Variants in DSCAM observed in about 807,000 individuals in gnomAD.
DSCAM encodes cell adhesion molecule DSCAM.
A neutral mutation model predicts 217.7 loss-of-function variants in DSCAM; 47 were observed. That is an observed-to-expected ratio of 0.22 (90% CI 0.17 to 0.28). DSCAM has a LOEUF of 0.28. Among genes scored for constraint, DSCAM ranks in the 10% least tolerant of loss-of-function variants. The pLI is 1.00. For missense variants in DSCAM, 2,080 were observed against 2,618.3 expected (o/e 0.79, Z 4.49); for synonymous variants, 1,056 against 1,015.3 (o/e 1.04, Z -0.76).
At chr21:40,706,244 A>T (rs1032079023) in intron 2 of DSCAM, among the ~76,000 whole-genome samples, 1 of 152,076 alleles carries the variant, frequency 6.6e-6, no homozygotes, top group Admixed American at 6.6e-5. Context: ...GAAAACAATC[A>T]TGAGAAATCT....
chr21:40,787,050 T>C (rs922204609), intron 1 of DSCAM, among the ~76,000 whole-genome samples: 6 of 152,196 alleles, frequency 3.9e-5, no homozygotes, highest in African/African-American at 7.2e-5. Context: ...CATTGAATCA[T>C]TGAACATGGA....
chr21:40,213,778 A>G (rs2091210939), intron 11 of DSCAM, among the ~76,000 whole-genome samples: 2 of 152,162 alleles, frequency 1.3e-5, no homozygotes, highest in Admixed American at 6.5e-5. Context: ...TCTCCAAGAC[A>G]TGCAGGATCA....
rs772442953 is a variant in DSCAM at position 40,339,346 on chromosome 21, A to C, written c.1280T>G (p.Met427Arg). ...VVSPAEPVSL[M>R]CNVKGTPLPT... Reference sequence around the variant, plus strand: ...CAAAGGTGTTCCCTTCACGTTGCACATAAGGGAAACCGGCTCTGCTGGACT... The same window carrying C: ...CAAAGGTGTTCCCTTCACGTTGCACCTAAGGGAAACCGGCTCTGCTGGACT... The change falls in exon 7 of 33, where the codon ATG (methionine) becomes AGG (arginine). Residue 427 changes from methionine to arginine, a missense_variant. Met to Arg is a moderately conservative substitution (Grantham distance 91). This residue lies in a region of DSCAM where 568 missense variants were observed against 678.1 expected (regional missense o/e 0.84). Coordinates refer to ENST00000400454, the MANE Select transcript of DSCAM (RefSeq NM_001389.5). 8.1e-6 allele frequency: 13 copies of C among 1,613,976 alleles called. No individual in the cohort carries two copies. The highest frequency in any genetic ancestry group is 1.3e-5 in the African/African-American group (1 of 74,936).
chr21:40,765,594 G>A (rs550957807), intron 1 of DSCAM, among the ~76,000 whole-genome samples: 2 of 152,096 alleles, frequency 1.3e-5, no homozygotes, highest in Non-Finnish European at 2.9e-5. Flanking sequence ...GGAGGGATGG[G>A]GACACAGAGA....
intron 16 of DSCAM, among the ~76,000 whole-genome samples, chr21:40,166,039 C>T (rs1316645317): frequency 6.6e-6 from 1 of 152,106 alleles, no homozygotes; most frequent in African/African-American, 2.4e-5. Flanking sequence ...GGTTGAGAAA[C>T]GCTGACACAA....
chr21:40,573,572 T>C (rs1053216131), intron 3 of DSCAM, among the ~76,000 whole-genome samples: 2 of 152,064 alleles, frequency 1.3e-5, no homozygotes, highest in Non-Finnish European at 2.9e-5. Context: ...CCTATTTGAA[T>C]TGAAAATAAT....
At chr21:40,141,334 G>A (rs2090287328) in intron 18 of DSCAM, among the ~76,000 whole-genome samples, 2 of 152,218 alleles carry the variant, frequency 1.3e-5, no homozygotes, top group Admixed American at 6.5e-5. Context: ...GAAGCCCCAG[G>A]CTGGGCGTGG....
chr21:40,279,779 G>A (rs552094473), intron 10 of DSCAM, among the ~76,000 whole-genome samples: 24 of 152,198 alleles, frequency 1.6e-4, no homozygotes, highest in Middle Eastern at 3.4e-3. Flanking sequence ...CATGCTTCAC[G>A]GAATACTATG....
intron 11 of DSCAM, among the ~76,000 whole-genome samples, chr21:40,250,788 G>A (rs1417929647): frequency 2.0e-5 from 3 of 152,320 alleles, no homozygotes; most frequent in African/African-American, 4.8e-5. Flanking sequence ...CATGGAGGTG[G>A]CCGGAAGTAA....
chr21:40,517,930 C>T (rs1377907705), intron 3 of DSCAM, among the ~76,000 whole-genome samples: 1 of 152,072 alleles, frequency 6.6e-6, no homozygotes, highest in Non-Finnish European at 1.5e-5. Flanking sequence ...ACCTGTTTGG[C>T]CCTGCACATG....
intron 27 of DSCAM, among the ~76,000 whole-genome samples, chr21:40,071,408 T>C (rs1378047128): frequency 6.6e-6 from 1 of 152,194 alleles, no homozygotes; most frequent in Non-Finnish European, 1.5e-5. Flanking sequence ...TTTTCTTTCT[T>C]TCTTTCTAAA....
chr21:40,165,821 G>A (rs1259201680), intron 16 of DSCAM, among the ~76,000 whole-genome samples: 3 of 152,194 alleles, frequency 2.0e-5, no homozygotes, highest in Non-Finnish European at 4.4e-5. Flanking sequence ...GACAGAGTGA[G>A]TCAGCATTCC....
At chr21:40,102,708 A>AGACATGGGT (rs1295477969) in intron 20 of DSCAM, among the ~76,000 whole-genome samples, 1 of 152,240 alleles carries the variant, frequency 6.6e-6, no homozygotes, top group Non-Finnish European at 1.5e-5. Context: ...TCATGTCTAT[A>AGACATGGGT]AAACTAGACG....
chr21:40,839,384 C>T (rs895424121), intron 1 of DSCAM, among the ~76,000 whole-genome samples: 6 of 152,228 alleles, frequency 3.9e-5, no homozygotes, highest in South Asian at 4.1e-4. Flanking sequence ...ACTATTCTGC[C>T]GTGAAACATC....
rs200231905 is a variant in DSCAM, at chr21:40,037,890, C to A, written c.5686+4481G>T. ...TATCTACAACTATCTGATCTTTGAC[C>A]AACCTGAGAAAAACAAGCAATGGGG... On this transcript the variant is annotated intron_variant, in intron 32 of 32. Transcript: ENST00000400454. 2.4e-3 allele frequency among the ~76,000 whole-genome samples: 323 copies of A among 136,092 alleles called. 5 individuals are homozygous for A. Among genetic ancestry groups the A allele is most frequent in the African/African-American group, 4.7e-3 (175 of 36,876 alleles). The allele number at this position is 136,092 out of a possible 152,430, so 89.3% of individuals were successfully genotyped here.
chr21:40,325,779 C>T (rs765060687), intron 8 of DSCAM, among the ~76,000 whole-genome samples: 4 of 152,160 alleles, frequency 2.6e-5, no homozygotes, highest in African/African-American at 4.8e-5. Flanking sequence ...TACCAGGATG[C>T]GGGGAACTGG....
chr21:40,338,127 C>G lies in DSCAM; in HGVS notation c.1757G>C (p.Ser586Thr). ...TTTCACGGTCACGTGGACGCTCTGG[C>G]TGGTGGAGAGTTGTGGTTGAACCAA... ...NVLVQPQLST[S>T]QSVHVTVKVP... Residue 586 changes from serine to threonine, a missense_variant, in exon 8 of 33, where the codon AGC becomes ACC. Physicochemically the swap from Ser to Thr is moderately conservative, Grantham distance 58. Coordinates refer to ENST00000400454, the MANE Select transcript of DSCAM (RefSeq NM_001389.5). 1.2e-6 allele frequency: 2 copies of G among 1,614,204 alleles called. No individual in the cohort carries two copies. Among genetic ancestry groups the G allele is most frequent in the Non-Finnish European group, 1.7e-6 (2 of 1,180,034 alleles).
intron 3 of DSCAM, among the ~76,000 whole-genome samples, chr21:40,638,786 T>C (rs1040494559): frequency 2.0e-5 from 3 of 152,188 alleles, no homozygotes; most frequent in African/African-American, 7.2e-5. Flanking sequence ...ATTGGCAAAC[T>C]GTCACCACAT....
At chr21:40,590,707 T>G (rs540532695) in intron 3 of DSCAM, among the ~76,000 whole-genome samples, 1 of 152,278 alleles carries the variant, frequency 6.6e-6, no homozygotes, top group Admixed American at 6.5e-5. Flanking sequence ...GGGTCTCCCT[T>G]TTGTAACTTT....
Sources: gnomAD v4.1 joint callset for allele counts (sites outside exome capture counted in the v4.1 genomes callset) on GRCh38, gnomAD v4.1.1 for gene constraint, gnomAD v4.1.1 regional missense constraint, MANE v1.5 for transcripts, NCBI Gene and HGNC (gene_info 2026-07-23, HGNC 2026-07-21) for gene names.